MORC1: variants seen among roughly 807,000 people sequenced by gnomAD.
MORC1 encodes the protein MORC family CW-type zinc finger 1.
In MORC1, 59 loss-of-function variants were observed where a neutral mutation model predicts 134.9. The ratio of observed to expected loss-of-function variants is 0.44; its 90% CI spans 0.35 to 0.54. MORC1 has a LOEUF of 0.54. Ranked by LOEUF, MORC1 falls within the 20% of genes least tolerant of loss-of-function variation. The pLI is 0.00. For synonymous variants in MORC1, 395 were observed against 391.7 expected, an observed-to-expected ratio of 1.01 and a Z score of -0.10; for missense variants, 947 against 1,134.5, an observed-to-expected ratio of 0.83 and a Z score of 2.37.
intron 24 of MORC1, among the ~76,000 whole-genome samples, chr3:108,976,634 T>C (rs919104041): frequency 6.6e-6 from 1 of 152,210 alleles, no homozygotes; most frequent in Non-Finnish European, 1.5e-5. Flanking sequence ...TTGTTTCAGT[T>C]AAATCCTGTG....
intron 26 of MORC1, among the ~76,000 whole-genome samples, chr3:108,967,726 A>G (rs1576575658): frequency 6.6e-6 from 1 of 152,120 alleles, no homozygotes; most frequent in East Asian, 1.9e-4. Context: ...TGGTGGTACA[A>G]GCCTGTAATC....
At chr3:109,059,901 TA>T in intron 11 of MORC1, 31 bp from the exon 12 acceptor site, 4 of 1,582,138 alleles carry the variant, frequency 2.5e-6, no homozygotes, top group Non-Finnish European at 3.5e-6. Context: ...GGAGAGAACA[TA>T]ATGCCACTGA....
intron 14 of MORC1, among the ~76,000 whole-genome samples, chr3:109,050,831 G>GT (rs1269990493): frequency 1.3e-5 from 2 of 152,192 alleles, no homozygotes; most frequent in African/African-American, 4.8e-5. Context: ...TAAAACGGCA[G>GT]TGAGAGTGAG....
intron 16 of MORC1, among the ~76,000 whole-genome samples, chr3:109,032,508 T>C (rs377548815): frequency 6.6e-6 from 1 of 152,242 alleles, no homozygotes; most frequent in East Asian, 1.9e-4. Context: ...CCCCAACGTC[T>C]TCAGATAGTT....
intron 17 of MORC1, 84 bp downstream of exon 17, chr3:109,027,667 T>C: frequency 1.3e-6 from 2 of 1,541,556 alleles, no homozygotes; most frequent in Non-Finnish European, 1.8e-6. Flanking sequence ...TTTTATTGTG[T>C]AAACCACTTT....
At chr3:108,999,625 G>C (rs1350420179) in intron 21 of MORC1, among the ~76,000 whole-genome samples, 1 of 152,052 alleles carries the variant, frequency 6.6e-6, no homozygotes, top group East Asian at 1.9e-4. Flanking sequence ...CATTTTGAGG[G>C]ACCTTACCCT....
At chr3:109,008,104 G>C (rs1948591375) in intron 17 of MORC1, among the ~76,000 whole-genome samples, 1 of 152,036 alleles carries the variant, frequency 6.6e-6, no homozygotes, top group Non-Finnish European at 1.5e-5. Context: ...TGTATAAAGA[G>C]CTTCTTATTC....
chr3:109,117,668 T>TA (rs1291601611), intron 1 of MORC1, among the ~76,000 whole-genome samples: 1 of 152,176 alleles, frequency 6.6e-6, no homozygotes, highest in Non-Finnish European at 1.5e-5. Context: ...ATGTTTAAAT[T>TA]GTCAGTGTGT....
At chr3:109,091,061 T>A (rs373285263) in intron 8 of MORC1, among the ~76,000 whole-genome samples, 1 of 152,078 alleles carries the variant, frequency 6.6e-6, no homozygotes, top group African/African-American at 2.4e-5. Flanking sequence ...TGAAGAGTAA[T>A]TGGATATTAA....
At chr3:109,116,353 A>C (rs1019862572) in intron 1 of MORC1, among the ~76,000 whole-genome samples, 1 of 152,242 alleles carries the variant, frequency 6.6e-6, no homozygotes, top group Non-Finnish European at 1.5e-5. Context: ...AGTCAGTGGC[A>C]GTGGAGACAG....
chr3:108,993,564 A>AAAGAGGTAATGGT, intron 21 of MORC1, among the ~76,000 whole-genome samples: 1 of 152,298 alleles, frequency 6.6e-6, no homozygotes, highest in South Asian at 2.1e-4. Flanking sequence ...ACAGATTCAT[A>AAAGAGGTAATGGT]AAGAGGTAAT....
intron 24 of MORC1, among the ~76,000 whole-genome samples, chr3:108,979,165 C>T (rs938747073): frequency 2.0e-5 from 3 of 151,998 alleles, no homozygotes; most frequent in African/African-American, 7.2e-5. Context: ...GTATCCAAGA[C>T]TAAAACAAAC....
intron 24 of MORC1, among the ~76,000 whole-genome samples, chr3:108,974,214 C>G (rs572620138): frequency 1.3e-4 from 20 of 152,224 alleles, no homozygotes; most frequent in Admixed American, 3.3e-4. Context: ...GACAAATTAC[C>G]CAGCAACTTG....
At chr3:108,975,937 A>G (rs993762155) in intron 24 of MORC1, among the ~76,000 whole-genome samples, 3 of 152,136 alleles carry the variant, frequency 2.0e-5, no homozygotes, top group Non-Finnish European at 4.4e-5. Flanking sequence ...ACATCCAGTA[A>G]TACTATTTAC....
Position 109,009,204 on chromosome 3 carries a change from G to GTTTTTTT in MORC1, c.1705-2114_1705-2113insAAAAAAA, listed in dbSNP as rs1207320361. ...GTTCTTTCCTATTTTTACGTTTTTTGTTGTTTTTTTTTTTTTTTTTGAGAC... is the reference window on the plus strand; with the variant it reads ...GTTCTTTCCTATTTTTACGTTTTTTGTTTTTTTTTGTTTTTTTTTTTTTTTTTGAGAC... On this transcript the variant is annotated intron_variant, in intron 17 of 27. Transcript: ENST00000232603. 2.3e-4 allele frequency among the ~76,000 whole-genome samples: 22 copies of GTTTTTTT among 96,774 alleles called. 2 individuals carry two copies. Among genetic ancestry groups the GTTTTTTT allele is most frequent in the South Asian group, 6.5e-4 (2 of 3,064 alleles). The allele number at this position is 96,774 out of a possible 152,430, so 63.5% of individuals were successfully genotyped here. A position where few individuals can be genotyped will look rare whatever the true frequency, so the allele number is the denominator to read the frequency against.
At chr3:109,096,811 G>A (rs1208052349) in intron 6 of MORC1, among the ~76,000 whole-genome samples, 4 of 152,084 alleles carry the variant, frequency 2.6e-5, no homozygotes, top group African/African-American at 9.7e-5. Context: ...CTCTCTTGGG[G>A]TCTGGGATCA....
intron 9 of MORC1, among the ~76,000 whole-genome samples, chr3:109,069,126 A>G (rs374494612): frequency 5.9e-5 from 9 of 152,246 alleles, no homozygotes; most frequent in African/African-American, 2.2e-4. Context: ...ACTGCACTCC[A>G]GCCTGGGTGA....
At chr3:109,075,000 C>T (rs970994127) in intron 8 of MORC1, among the ~76,000 whole-genome samples, 2 of 152,122 alleles carry the variant, frequency 1.3e-5, no homozygotes, top group African/African-American at 4.8e-5. Flanking sequence ...TCAAGTCACT[C>T]GATGGCATAT....
chr3:109,078,649 TAAAC>T (rs1413189564), intron 8 of MORC1, among the ~76,000 whole-genome samples: 5 of 150,544 alleles, frequency 3.3e-5, no homozygotes, highest in African/African-American at 7.3e-5. Flanking sequence ...AAAAGAAAAA[TAAAC>T]AAATCCAAAA....
Sources: gnomAD v4.1 joint callset for allele counts (sites outside exome capture counted in the v4.1 genomes callset) on GRCh38, gnomAD v4.1.1 for gene constraint, MANE v1.5 for transcripts, NCBI Gene and HGNC (gene_info 2026-07-23, HGNC 2026-07-21) for gene names.